EZH2: variants seen among roughly 807,000 people sequenced by gnomAD.
EZH2 encodes the protein histone-lysine N-methyltransferase EZH2.
Under a neutral mutation model 98.4 loss-of-function variants are expected in EZH2, and 18 were observed. That is an observed-to-expected ratio of 0.18 (90% confidence interval 0.13 to 0.27). EZH2 has a LOEUF of 0.27. Ranked by LOEUF, EZH2 falls within the 10% of genes least tolerant of loss-of-function variation. The pLI, the probability that EZH2 is intolerant of heterozygous loss-of-function variation, is 1.00. For missense variants in EZH2, 470 were observed against 935.1 expected (o/e 0.50, Z 6.49); for synonymous variants, 338 against 312.3 (o/e 1.08, Z -0.87).
At chr7:148,852,801 CT>C (rs953665651) in intron 1 of EZH2, among the ~76,000 whole-genome samples, 1 of 152,000 alleles carries the variant, frequency 6.6e-6, no homozygotes, top group Non-Finnish European at 1.5e-5. Context: ...AAATTCCCAT[CT>C]TTTTTTTCTT....
At chr7:148,862,923 G>GTTTTGT (rs111837005) in intron 1 of EZH2, among the ~76,000 whole-genome samples, 25,500 of 150,700 alleles carry the variant, frequency 0.17, 2,272 homozygotes, top group East Asian at 0.25. Context: ...GTTTTGTTTT[G>GTTTTGT]TTTTTTTAAA....
chr7:148,857,134 A>G (rs147127074), intron 1 of EZH2, among the ~76,000 whole-genome samples: 541 of 152,390 alleles, frequency 3.6e-3, no homozygotes, highest in African/African-American at 0.012. Flanking sequence ...CAGCCTAATC[A>G]TAAGAAAACA....
chr7:148,825,108 A>T (rs1238836797), intron 8 of EZH2, among the ~76,000 whole-genome samples: 1 of 152,222 alleles, frequency 6.6e-6, no homozygotes, highest in Non-Finnish European at 1.5e-5. Flanking sequence ...AATTGGAAGG[A>T]CCTTTCAGCG....
intron 3 of EZH2, among the ~76,000 whole-genome samples, chr7:148,833,888 C>T (rs906426953): frequency 6.6e-6 from 1 of 152,172 alleles, no homozygotes; most frequent in African/African-American, 2.4e-5. Flanking sequence ...GGAGCCCCTG[C>T]TCTTCCCGCT....
chr7:148,873,333 A>C (rs1334547311), intron 1 of EZH2, among the ~76,000 whole-genome samples: 3 of 151,972 alleles, frequency 2.0e-5, no homozygotes, highest in Non-Finnish European at 4.4e-5. Flanking sequence ...CTCTACTAAA[A>C]ATACAAAAAC....
intron 1 of EZH2, among the ~76,000 whole-genome samples, chr7:148,876,437 C>A (rs1324493795): frequency 1.3e-5 from 2 of 152,092 alleles, no homozygotes; most frequent in Admixed American, 6.6e-5. Flanking sequence ...CAAATGTGTG[C>A]TTTTTATTGT....
chr7:148,859,390 C>T (rs368592421), intron 1 of EZH2, among the ~76,000 whole-genome samples: 3 of 151,952 alleles, frequency 2.0e-5, no homozygotes, highest in African/African-American at 7.3e-5. Context: ...CCTGTAGTCC[C>T]GGCTACTAAG....
intron 8 of EZH2, among the ~76,000 whole-genome samples, chr7:148,824,224 A>G (rs1807011753): frequency 6.6e-6 from 1 of 151,660 alleles, no homozygotes; most frequent in Non-Finnish European, 1.5e-5. Context: ...CTGAGACAGG[A>G]GAATCCTTTG....
chr7:148,834,105 A>G (rs1310720205), intron 3 of EZH2, among the ~76,000 whole-genome samples: 4 of 152,102 alleles, frequency 2.6e-5, no homozygotes, highest in Admixed American at 1.3e-4. Flanking sequence ...TCCAATGTTA[A>G]AATGTGAAAA....
chr7:148,843,657 G>A (rs1256399661), intron 3 of EZH2, among the ~76,000 whole-genome samples: 2 of 119,744 alleles, frequency 1.7e-5, no homozygotes, highest in South Asian at 2.7e-4. Context: ...GTGCAGTGGC[G>A]CGATCTCGGC....
chr7:148,835,627 C>CA (rs898210334), intron 3 of EZH2, among the ~76,000 whole-genome samples: 11 of 151,262 alleles, frequency 7.3e-5, no homozygotes, highest in Non-Finnish European at 1.5e-4. Context: ...ACTTAAAGTA[C>CA]AAAACAATTT....
At chr7:148,816,865 T>C in intron 11 of EZH2, 87 bp from the exon 12 acceptor site, 3 of 948,652 alleles carry the variant, frequency 3.2e-6, no homozygotes, top group Non-Finnish European at 5.1e-6. Flanking sequence ...AAAAATGTCT[T>C]TGTCTCTTCT....
intron 1 of EZH2, among the ~76,000 whole-genome samples, chr7:148,867,719 T>C (rs527726295): frequency 6.6e-6 from 1 of 152,378 alleles, no homozygotes; most frequent in East Asian, 1.9e-4. Context: ...GCAAATTTTC[T>C]AAACTTTTAT....
chr7:148,812,501 T>C (rs1803374441), intron 15 of EZH2, among the ~76,000 whole-genome samples: 2 of 152,216 alleles, frequency 1.3e-5, no homozygotes, highest in Admixed American at 6.5e-5. Context: ...TCACCTGTCA[T>C]GTGAACTTCC....
At chr7:148,873,574 T>G (rs1819766730) in intron 1 of EZH2, among the ~76,000 whole-genome samples, 1 of 140,358 alleles carries the variant, frequency 7.1e-6, no homozygotes, top group Admixed American at 7.2e-5. Context: ...TTTTTTTTTT[T>G]TTTTTTTGCC....
At position 148,815,031 on chromosome 7, in the gene EZH2, A is replaced by T. The variant is rs747009766; in HGVS notation, c.1555T>A (p.Ser519Thr). The T allele has an allele frequency of 6.2e-7, 1 of 1,613,908 alleles. No individual in the cohort carries two copies. Among genetic ancestry groups the T allele is most frequent in the South Asian group, 1.1e-5 (1 of 91,040 alleles). The stretch of plus-strand genomic sequence containing the variant: ...GGTTGATAGTTGTAAACATGGTTAG[A>T]GGAGCCGTCTGAGTAAAGATAACAT... The part of the protein sequence containing the change: ...RKIQLKKDGS[S>T]NHVYNYQPCD... Residue 519 changes from serine to threonine, a missense_variant, in exon 14 of 20, where the codon TCT becomes ACT. Coordinates refer to ENST00000320356, the MANE Select transcript of EZH2 (RefSeq NM_004456.5).
chr7:148,820,983 T>A (rs1228436335), intron 8 of EZH2: 1 of 152,154 alleles, frequency 6.6e-6, no homozygotes, highest in East Asian at 1.9e-4. Flanking sequence ...TAAACTGTAC[T>A]GAAACTACAA....
intron 1 of EZH2, among the ~76,000 whole-genome samples, chr7:148,870,172 G>A (rs1819145681): frequency 1.3e-5 from 2 of 152,198 alleles, no homozygotes. Context: ...CTTCCTCTAC[G>A]CCAGTTCAAG....
chr7:148,843,004 T>C (rs950508202), intron 3 of EZH2, among the ~76,000 whole-genome samples: 1 of 151,864 alleles, frequency 6.6e-6, no homozygotes, highest in African/African-American at 2.4e-5. Flanking sequence ...GGTCAGGAGT[T>C]CGAGACCAGC....
Sources: allele counts gnomAD v4.1 joint callset (sites outside exome capture counted in the v4.1 genomes callset), GRCh38; gene constraint gnomAD v4.1.1; transcripts MANE v1.5; gene names NCBI Gene and HGNC (gene_info 2026-07-23, HGNC 2026-07-21).